ODAD2: variants seen among roughly 807,000 people sequenced by gnomAD.
ODAD2 encodes outer dynein arm-docking complex subunit 2.
In ODAD2, 89 loss-of-function variants were observed where a neutral mutation model predicts 106.8. The observed-to-expected ratio is 0.83, with a 90% CI of 0.70 to 0.99. The LOEUF (loss-of-function observed/expected upper bound fraction) is 0.99. Among genes scored for constraint, ODAD2 ranks in the 50% least tolerant of loss-of-function variants. The pLI is 0.00. For missense variants in ODAD2, 1,168 were observed against 1,238.5 expected, an observed-to-expected ratio of 0.94 and a Z score of 0.85; for synonymous variants, 404 against 436.2, an observed-to-expected ratio of 0.93 and a Z score of 0.92.
rs56059926 is a variant in ODAD2 at position 27,943,795 on chromosome 10, CAAAAAAAAAAAAAAAAAAAAAA to C, written c.1743+405_1743+426del. Among the ~76,000 whole-genome samples the C allele has an allele frequency of 8.4e-3, 491 of 58,694 alleles. 8 individuals are homozygous for C. Among genetic ancestry groups the C allele is most frequent in the African/African-American group, 0.026 (333 of 12,970 alleles). 38.5% of individuals were successfully genotyped at this position (58,694 alleles called of 152,430 possible). A position where few individuals can be genotyped will look rare whatever the true frequency, so the allele number is the denominator to read the frequency against. ...GAGCCACAGAAGTGAGGCTCTGTCT[CAAAAAAAAAAAAAAAAAAAAAA>C]AAAAAAAAAAAAGGCATCATAGATG... On this transcript the variant is annotated intron_variant, in intron 12 of 19. Coordinates refer to ENST00000305242, the MANE Select transcript of ODAD2 (RefSeq NM_018076.5).
chr10:27,966,548 A>G (rs2132921783), intron 9 of ODAD2, among the ~76,000 whole-genome samples: 1 of 152,272 alleles, frequency 6.6e-6, no homozygotes, highest in East Asian at 1.9e-4. Context: ...ATTTCTTCCA[A>G]TCCTGTCCCA....
intron 17 of ODAD2, among the ~76,000 whole-genome samples, chr10:27,900,687 A>G (rs189412026): frequency 1.7e-4 from 26 of 152,278 alleles, no homozygotes; most frequent in Middle Eastern, 6.8e-3. Context: ...CAATAGCTGA[A>G]TCGATCAGGC....
chr10:27,971,699 A>C (rs1199341357), intron 7 of ODAD2, among the ~76,000 whole-genome samples: 1 of 152,234 alleles, frequency 6.6e-6, no homozygotes. Context: ...AGGAATGAAC[A>C]TAAGAATTTT....
At chr10:27,959,954 C>T (rs930194164) in intron 10 of ODAD2, among the ~76,000 whole-genome samples, 1 of 151,828 alleles carries the variant, frequency 6.6e-6, no homozygotes, top group Non-Finnish European at 1.5e-5. Context: ...ACAATGTGCA[C>T]CTGATATAGA....
intron 16 of ODAD2, among the ~76,000 whole-genome samples, chr10:27,913,557 G>A (rs1844155800): frequency 6.6e-6 from 1 of 152,106 alleles, no homozygotes; most frequent in Non-Finnish European, 1.5e-5. Flanking sequence ...TAAACCCACA[G>A]AATGGGAGAA....
chr10:27,827,845 C>T (rs1176155354), intron 19 of ODAD2, among the ~76,000 whole-genome samples: 1 of 152,190 alleles, frequency 6.6e-6, no homozygotes, highest in African/African-American at 2.4e-5. Flanking sequence ...TTCACAGGGT[C>T]TTCGGCAGGC....
intron 9 of ODAD2, among the ~76,000 whole-genome samples, chr10:27,964,864 A>G (rs561682803): frequency 1.3e-5 from 2 of 152,350 alleles, no homozygotes; most frequent in East Asian, 3.9e-4. Flanking sequence ...AGCACAAGGA[A>G]GGCACTCAAT....
At chr10:27,965,715 G>A (rs962741781) in intron 9 of ODAD2, among the ~76,000 whole-genome samples, 2 of 152,182 alleles carry the variant, frequency 1.3e-5, no homozygotes, top group African/African-American at 4.8e-5. Flanking sequence ...ACCCTACACA[G>A]TGCAAACCTG....
intron 17 of ODAD2, among the ~76,000 whole-genome samples, chr10:27,866,634 A>G (rs2133381845): frequency 6.6e-6 from 1 of 152,338 alleles, no homozygotes; most frequent in Admixed American, 6.5e-5. Flanking sequence ...TGAGGGCCTC[A>G]GGAAGCTTCC....
chr10:27,946,065 A>G, intron 10 of ODAD2, among the ~76,000 whole-genome samples: 1 of 149,224 alleles, frequency 6.7e-6, no homozygotes. Flanking sequence ...GATAAGGTAA[A>G]CATTGTCTAT....
chr10:27,976,089 A>G (rs1007129629), intron 7 of ODAD2, among the ~76,000 whole-genome samples: 6 of 152,128 alleles, frequency 3.9e-5, no homozygotes, highest in African/African-American at 1.4e-4. Flanking sequence ...ATAAAATCCA[A>G]CATTCATTCC....
intron 3 of ODAD2, among the ~76,000 whole-genome samples, chr10:27,987,127 CT>C (rs779426903): frequency 6.6e-6 from 1 of 152,200 alleles, no homozygotes; most frequent in Non-Finnish European, 1.5e-5. Context: ...AAACCACATG[CT>C]AAAATCAGAA....
chr10:27,827,379 CTA>C (rs10580710), intron 19 of ODAD2, among the ~76,000 whole-genome samples: 13,383 of 131,918 alleles, frequency 0.1, 639 homozygotes, highest in East Asian at 0.12. Context: ...CACACACACA[CTA>C]TATATATATA....
chr10:27,837,645 G>T (rs1306618458), intron 19 of ODAD2, among the ~76,000 whole-genome samples: 3 of 152,088 alleles, frequency 2.0e-5, no homozygotes, highest in Admixed American at 6.5e-5. Context: ...CCCTCTCTCT[G>T]CCAGGATTAA....
intron 1 of ODAD2, among the ~76,000 whole-genome samples, chr10:27,996,189 T>G (rs1362015931): frequency 6.6e-6 from 1 of 152,222 alleles, no homozygotes; most frequent in Non-Finnish European, 1.5e-5. Flanking sequence ...TAGCACTTAT[T>G]GATAAAATCT....
chr10:27,952,228 T>TA (rs953781376), intron 10 of ODAD2, among the ~76,000 whole-genome samples: 1 of 151,928 alleles, frequency 6.6e-6, no homozygotes, highest in Admixed American at 6.6e-5. Context: ...ATTTGACATA[T>TA]AAAAAAATTG....
At chr10:27,969,553 CTT>C (rs201484123) in intron 8 of ODAD2, among the ~76,000 whole-genome samples, 2,064 of 152,320 alleles carry the variant, frequency 0.014, 1 homozygote, top group African/African-American at 0.047. Flanking sequence ...CACATTGACT[CTT>C]TCAAACAGAG....
At chr10:27,872,341 C>A (rs931710245) in intron 17 of ODAD2, among the ~76,000 whole-genome samples, 1 of 151,860 alleles carries the variant, frequency 6.6e-6, no homozygotes. Context: ...ATTAAATACC[C>A]TTTATTTCTT....
At chr10:27,952,439 G>A (rs139914602) in intron 10 of ODAD2, among the ~76,000 whole-genome samples, 47 of 151,486 alleles carry the variant, frequency 3.1e-4, no homozygotes, top group African/African-American at 1.1e-3. Flanking sequence ...TGCAGAACGT[G>A]CAGGTTTGTT....
Sources: allele counts gnomAD v4.1 joint callset (sites outside exome capture counted in the v4.1 genomes callset), GRCh38; gene constraint gnomAD v4.1.1; transcripts MANE v1.5; gene names NCBI Gene and HGNC (gene_info 2026-07-23, HGNC 2026-07-21).